The following CAPN2 variants were observed in gnomAD, a reference collection of about 807,000 sequenced individuals.
CAPN2 encodes the protein calpain-2 catalytic subunit.
In CAPN2, 92 loss-of-function variants were observed where a neutral mutation model predicts 102.3. The observed-to-expected ratio is 0.90, with a 90% CI of 0.76 to 1.07. CAPN2 has a LOEUF of 1.07. Among genes scored for constraint, CAPN2 ranks in the 50% least tolerant of loss-of-function variants. The pLI is 0.00. For synonymous variants in CAPN2, 340 were observed against 355.4 expected (o/e 0.96, Z 0.49); for missense variants, 800 against 909.4 (o/e 0.88, Z 1.55).
In CAPN2 at chr1:223,759,597, AC is replaced by A; in HGVS notation, c.1529+118del. 1.3e-6 allele frequency: 1 copy of A among 742,710 alleles called. No homozygotes were observed. Among genetic ancestry groups the A allele is most frequent in the East Asian group, 2.7e-5 (1 of 37,554 alleles). The allele number at this position is 742,710 out of a possible 1,614,324, so 46.0% of individuals were successfully genotyped here. A position where few individuals can be genotyped will look rare whatever the true frequency, so the allele number is the denominator to read the frequency against. On this transcript the variant is annotated intron_variant, in intron 12 of 20. Coordinates refer to ENST00000295006, the MANE Select transcript of CAPN2 (RefSeq NM_001748.5). This position sits in a 1 kb window ranked among gnomAD's most constrained non-coding sequence, Gnocchi z 4.6. ...GAATGTCAGTTACTTTTTCTGTAAC[AC>A]CTGCCCACCTCGAAGGACTAGTGTG... is the stretch of plus-strand genomic sequence containing the variant.
rs369599821 is a variant in CAPN2, at chr1:223,744,160, G to A, written c.368G>A (p.Arg123Gln). ...SLTLNEEILA[R>Q]VVPLNQSFQE... ...ACCTTGAATGAAGAAATCCTGGCTC[G>A]AGTCGTCCCCCTAAACCAGAGCTTC... Residue 123 changes from arginine to glutamine, a missense_variant, in exon 3 of 21, where the codon CGA (arginine) becomes CAA (glutamine). Coordinates refer to ENST00000295006, the MANE Select transcript of CAPN2 (RefSeq NM_001748.5). 1.7e-5 allele frequency: 28 copies of A among 1,614,048 alleles called. No homozygotes were observed. Among genetic ancestry groups the A allele is most frequent in the South Asian group, 8.8e-5 (8 of 91,084 alleles).
rs904723996 is a variant in CAPN2, at chr1:223,776,003, A to AT, written c.*1152dup. 2.0e-5 allele frequency: 3 copies of AT among 152,266 alleles called. No individual in the cohort carries two copies. The highest frequency in any genetic ancestry group is 4.4e-5 in the Non-Finnish European group (3 of 68,024). 9.4% of individuals were successfully genotyped at this position (152,266 alleles called of 1,614,324 possible). On this transcript the variant is annotated 3_prime_UTR_variant, in exon 21 of 21. Transcript: ENST00000295006. The surrounding 1 kb of genome is among the most constrained non-coding windows in gnomAD (Gnocchi z 4.0). ...TATAATTAAAATGTGGAACTATAAA[A>AT]TTTTTTAAAATCCAATTCAGAAACT... is the stretch of plus-strand genomic sequence containing the variant.
Position 223,727,430 on chromosome 1 carries a change from G to A in CAPN2, c.307+9599G>A, listed in dbSNP as rs1262911595. 6.6e-6 allele frequency among the ~76,000 whole-genome samples: 1 copy of A among 152,156 alleles called. No individual in the cohort carries two copies. Among genetic ancestry groups the A allele is most frequent in the Non-Finnish European group, 1.5e-5 (1 of 68,032 alleles). On this transcript the variant is annotated intron_variant, in intron 2 of 20. Transcript: ENST00000295006. The surrounding 1 kb of genome is among the most constrained non-coding windows in gnomAD (Gnocchi z 4.1). ...AAAATGTCTGCAGACCTTGCCAAAT[G>A]TCCCCTGGGGGCTTGGCGGAGTTGG... is the stretch of plus-strand genomic sequence containing the variant.
At chr1:223,711,322 G>A (rs868001869), upstream of CAPN2, among the ~76,000 whole-genome samples, 1 of 152,098 alleles carries the variant, frequency 6.6e-6, no homozygotes, top group Non-Finnish European at 1.5e-5. Flanking sequence ...TTCTTGGCAC[G>A]CACCCATGTC....
chr1:223,724,664 A>C (rs1660142427), intron 2 of CAPN2, among the ~76,000 whole-genome samples: 1 of 152,238 alleles, frequency 6.6e-6, no homozygotes, highest in South Asian at 2.1e-4. Flanking sequence ...TCAGAGCCAA[A>C]CAATGCACAG....
chr1:223,704,593 T>A (rs1397584944), intron 1 of CAPN2, among the ~76,000 whole-genome samples: 1 of 152,100 alleles, frequency 6.6e-6, no homozygotes, highest in African/African-American at 2.4e-5. Context: ...TGCCACTGAG[T>A]CACGGTCCGT....
In CAPN2 at chr1:223,755,410, A is replaced by G; in HGVS notation, c.1136-70A>G. The G allele has an allele frequency of 6.5e-7, 1 of 1,542,574 alleles. No individual in the cohort carries two copies. The highest frequency in any genetic ancestry group is 8.9e-7 in the Non-Finnish European group (1 of 1,124,946). ...CCTCTCAGAAGCCTCCAAGCCTGAG[A>G]CCAGGGCCACCCCCCACCCCCATGC... is the stretch of plus-strand genomic sequence containing the variant. On this transcript the variant is annotated intron_variant, in intron 9 of 20. Transcript: ENST00000295006. The surrounding 1 kb of genome is among the most constrained non-coding windows in gnomAD (Gnocchi z 4.1).
At chr1:223,744,022 T>C in intron 2 of CAPN2, 78 bp from the exon 3 acceptor site, 2 of 955,984 alleles carry the variant, frequency 2.1e-6, no homozygotes, top group South Asian at 2.6e-5. Flanking sequence ...TTTAAGCCCC[T>C]GGAGGTGGAG....
In CAPN2 at chr1:223,726,667, C is replaced by G. The variant is rs553470888; in HGVS notation, c.307+8836C>G. Among the ~76,000 whole-genome samples, 218 of 152,254 alleles carry G rather than the reference C, an allele frequency of 1.4e-3. 2 individuals are homozygous for G. The highest frequency in any genetic ancestry group is 2.1e-3 in the East Asian group (11 of 5,170). ...GTGGTTTGGATCACTGGCTGTGGCT[C>G]ACAGTTCTGATGTGTGTGCAGTTTA... On this transcript the variant is annotated intron_variant, in intron 2 of 20. Transcript: ENST00000295006. This position sits in a 1 kb window ranked among gnomAD's most constrained non-coding sequence, Gnocchi z 4.4.
upstream of CAPN2, among the ~76,000 whole-genome samples, chr1:223,711,796 A>G (rs1248175059): frequency 6.6e-6 from 1 of 152,134 alleles, no homozygotes; most frequent in African/African-American, 2.4e-5. Context: ...GAATTTCACC[A>G]TGTTGACCAG....
At chr1:223,765,614 C>T (rs897741923) in intron 15 of CAPN2, among the ~76,000 whole-genome samples, 1 of 151,888 alleles carries the variant, frequency 6.6e-6, no homozygotes, top group Non-Finnish European at 1.5e-5. Context: ...TCTGAGCTTA[C>T]TACCCTACCC....
chr1:223,749,830 C>T (rs976487898), intron 6 of CAPN2, among the ~76,000 whole-genome samples: 2 of 151,946 alleles, frequency 1.3e-5, no homozygotes, highest in African/African-American at 2.4e-5. Flanking sequence ...GCCTGGGCAA[C>T]GTAGCAAGAA....
Position 223,712,877 on chromosome 1 carries a change from G to C in CAPN2, c.237G>C (p.Thr79=), listed in dbSNP as rs376727805. The change falls in exon 1 of 21, where the codon ACG becomes ACC. Residue 79 remains threonine (T), a splice_region_variant and synonymous_variant. Transcript: ENST00000295006. ...KTRGIEWKRP[T]EICADPQFII... ...GGGGCATCGAGTGGAAGCGCCCCAC[G>C]GTAGGAAGCGCGCGGCAGGACGCGG... is the stretch of plus-strand genomic sequence containing the variant. 1 of 1,524,734 alleles carries C rather than the reference G, an allele frequency of 6.6e-7. No homozygotes were observed. The highest frequency in any genetic ancestry group is 1.2e-5 in the South Asian group (1 of 80,466). The allele number at this position is 1,524,734 out of a possible 1,614,324, so 94.5% of individuals were successfully genotyped here. A position where few individuals can be genotyped will look rare whatever the true frequency, so the allele number is the denominator to read the frequency against.
At chr1:223,766,282 T>TAAAG in intron 15 of CAPN2, 85 bp from the exon 16 acceptor site, 1 of 1,012,212 alleles carries the variant, frequency 9.9e-7, no homozygotes, top group East Asian at 2.4e-5. Flanking sequence ...AGGGCACAGA[T>TAAAG]AAAGAATATC....
chr1:223,717,074 T>C (rs766883538), intron 1 of CAPN2, among the ~76,000 whole-genome samples: 1 of 152,134 alleles, frequency 6.6e-6, no homozygotes, highest in Non-Finnish European at 1.5e-5. Flanking sequence ...TTGAGCACAG[T>C]CTCTGATGTA....
chr1:223,722,744 T>C (rs1660087635), intron 2 of CAPN2, among the ~76,000 whole-genome samples: 1 of 152,198 alleles, frequency 6.6e-6, no homozygotes, highest in Admixed American at 6.5e-5. Context: ...GTTTCCCCTA[T>C]TATTAACATG....
intron 15 of CAPN2, among the ~76,000 whole-genome samples, chr1:223,766,027 GCTCT>G (rs1372176391): frequency 2.6e-5 from 4 of 152,192 alleles, no homozygotes; most frequent in African/African-American, 4.8e-5. Context: ...TAACACACCT[GCTCT>G]CTGTTTTCTT....
intron 3 of CAPN2, 63 bp downstream of exon 3, chr1:223,744,281 G>A (rs1660693365): frequency 1.0e-5 from 11 of 1,053,992 alleles, no homozygotes; most frequent in Non-Finnish European, 1.6e-5. Flanking sequence ...ACAGTCTTCT[G>A]GCTTGGCTGG....
chr1:223,719,844 G>A (rs565458790), intron 2 of CAPN2, among the ~76,000 whole-genome samples: 10 of 151,988 alleles, frequency 6.6e-5, no homozygotes, highest in South Asian at 4.1e-4. Context: ...GCGCGCGCGC[G>A]TATAATGCAG....
Sources: allele counts gnomAD v4.1 joint callset (sites outside exome capture counted in the v4.1 genomes callset), GRCh38; gene constraint gnomAD v4.1.1; non-coding constraint Gnocchi (gnomAD v3.1); transcripts MANE v1.5; gene names NCBI Gene and HGNC (gene_info 2026-07-23, HGNC 2026-07-21).